The following AAK1 variants were observed in gnomAD, a reference collection of about 807,000 sequenced individuals.
AAK1 encodes AP2 associated kinase 1, also known as AP2-associated protein kinase 1.
Under a neutral mutation model 116.0 loss-of-function variants are expected in AAK1, and 37 were observed. The observed-to-expected ratio is 0.32, with a 90% CI of 0.25 to 0.42. The LOEUF (loss-of-function observed/expected upper bound fraction) is 0.42. AAK1 is among the 10% of genes least tolerant of loss of function. The pLI, the probability that AAK1 is intolerant of heterozygous loss-of-function variation, is 1.00. For synonymous variants in AAK1, 458 were observed against 439.9 expected, an observed-to-expected ratio of 1.04 and a Z score of -0.51; for missense variants, 919 against 1,170.6, an observed-to-expected ratio of 0.79 and a Z score of 3.14.
intron 2 of AAK1, among the ~76,000 whole-genome samples, chr2:69,622,031 T>C (rs1674657787): frequency 6.6e-6 from 1 of 152,234 alleles, no homozygotes; most frequent in Middle Eastern, 3.2e-3. Context: ...AGCCCCTTTC[T>C]GGGCTGGCCA....
rs539449003 is a variant in AAK1 at position 69,643,699 on chromosome 2, G to A, written c.-359C>T. ...AGAGCCGGGGCCGCGCTCGGCTCCC[G>A]CCCGCCCGCCAGCTGATCCCGGGAG... On this transcript the variant is annotated 5_prime_UTR_variant, in exon 1 of 22. Transcript: ENST00000409085. The A allele has an allele frequency of 2.5e-6, 3 of 1,217,428 alleles. No individual in the cohort carries two copies. Among genetic ancestry groups the A allele is most frequent in the East Asian group, 3.3e-5 (1 of 30,352 alleles). The allele number at this position is 1,217,428 out of a possible 1,614,324, so 75.4% of individuals were successfully genotyped here. A position where few individuals can be genotyped will look rare whatever the true frequency, so the allele number is the denominator to read the frequency against.
In AAK1 at chr2:69,507,470, T is replaced by G; in HGVS notation, c.2115A>C (p.Lys705Asn). The G allele has an allele frequency of 6.2e-7, 1 of 1,613,054 alleles. No homozygotes were observed. The highest frequency in any genetic ancestry group is 8.5e-7 in the Non-Finnish European group (1 of 1,179,534). Residue 705 changes from lysine to asparagine, a missense_variant, in exon 15 of 22, where the codon AAA (lysine) becomes AAC (asparagine). Lys to Asn is a moderately conservative substitution (Grantham distance 94). This residue lies in a region of AAK1 where 125 missense variants were observed against 184.1 expected (regional missense o/e 0.68). Coordinates refer to ENST00000409085, the MANE Select transcript of AAK1 (RefSeq NM_014911.5). ...WNPFDDDNFS[K>N]LTAEELLNKD... is the part of the protein sequence containing the mutation. ...TGTTTAGCAGTTCTTCAGCTGTGAG[T>G]TTGGAGAAATTATCGTCATCAAAGG...
chr2:69,572,856 G>A (rs1672146978), intron 2 of AAK1, among the ~76,000 whole-genome samples: 3 of 152,014 alleles, frequency 2.0e-5, no homozygotes, highest in Non-Finnish European at 2.9e-5. Context: ...CAGAAACCTA[G>A]TGACTCCAAG....
rs1327406902 is a variant in AAK1 at position 69,475,601 on chromosome 2, T to C, written c.*268A>G. ...CAGAGGTGAAGCTCATGGCATCTAG[T>C]GCTTGATTTAAGATAATGCTATTGA... On this transcript the variant is annotated 3_prime_UTR_variant, in exon 22 of 22. Transcript: ENST00000409085. 1 of 1,198,632 alleles carries C rather than the reference T, an allele frequency of 8.3e-7. No homozygotes were observed. Among genetic ancestry groups the C allele is most frequent in the African/African-American group, 1.6e-5 (1 of 64,434 alleles). The allele number at this position is 1,198,632 out of a possible 1,614,324, so 74.2% of individuals were successfully genotyped here.
At chr2:69,489,927 A>G (rs907332907) in intron 17 of AAK1, among the ~76,000 whole-genome samples, 3 of 152,194 alleles carry the variant, frequency 2.0e-5, no homozygotes, top group African/African-American at 7.2e-5. Flanking sequence ...ACTTCTCAGT[A>G]TCACGAGACA....
intron 17 of AAK1, among the ~76,000 whole-genome samples, chr2:69,487,308 A>G (rs752861394): frequency 6.6e-6 from 1 of 152,206 alleles, no homozygotes; most frequent in Non-Finnish European, 1.5e-5. Flanking sequence ...GCTGGCCCTG[A>G]TATCCTTTGT....
At chr2:69,498,374 T>C (rs889404787) in intron 16 of AAK1, among the ~76,000 whole-genome samples, 4 of 152,228 alleles carry the variant, frequency 2.6e-5, no homozygotes, top group Admixed American at 1.3e-4. Context: ...AATCTTGGTC[T>C]CTCTCCAGTT....
chr2:69,464,120 C>T lies in AAK1; in HGVS notation c.*11749G>A, dbSNP rs1574180900. The T allele has an allele frequency of 6.6e-6, 1 of 152,574 alleles. No individual in the cohort carries two copies. Among genetic ancestry groups the T allele is most frequent in the East Asian group, 1.9e-4 (1 of 5,204 alleles). The allele number at this position is 152,574 out of a possible 1,614,324, so 9.5% of individuals were successfully genotyped here. ...AAGTTTTCATGCCTACCTGATTCAG[C>T]TCTTTTCCATTCTCCCAAACACTTA... On this transcript the variant is annotated 3_prime_UTR_variant, in exon 22 of 22. Transcript: ENST00000409085.
chr2:69,607,365 G>A (rs1467509733), intron 2 of AAK1, among the ~76,000 whole-genome samples: 2 of 152,134 alleles, frequency 1.3e-5, no homozygotes, highest in Non-Finnish European at 2.9e-5. Context: ...GTAAGGCAGA[G>A]GTAAGAGGAG....
rs1427805444 is a variant in AAK1 at position 69,514,502 on chromosome 2, G to A, written c.1745C>T (p.Ala582Val). ...CTCCTGGGCAGGGGCTGGCTGTGGG[G>A]CTGCAGCTGGCTGTGGCTGGGGCTG... ...GQQPQPQPAA[A>V]PQPAPAQEPA... is the part of the protein sequence containing the mutation. Residue 582 changes from alanine to valine, a missense_variant, in exon 13 of 22, where the codon GCC (alanine) becomes GTC (valine). Ala to Val is a moderately conservative substitution (Grantham distance 64). Around this residue, in one of 4 missense-constraint regions of AAK1, gnomAD observed 125 missense variants for 184.1 expected, o/e 0.68. Coordinates refer to ENST00000409085, the MANE Select transcript of AAK1 (RefSeq NM_014911.5). The A allele has an allele frequency of 6.5e-7, 1 of 1,549,832 alleles. No individual in the cohort carries two copies. Among genetic ancestry groups the A allele is most frequent in the Non-Finnish European group, 8.7e-7 (1 of 1,146,112 alleles).
At chr2:69,572,400 C>G (rs1206954787) in intron 2 of AAK1, among the ~76,000 whole-genome samples, 2 of 151,940 alleles carry the variant, frequency 1.3e-5, no homozygotes, top group Admixed American at 1.3e-4. Context: ...GGCAGATCAC[C>G]TGAGGTGAGG....
In AAK1 at chr2:69,466,306, G is replaced by C. The variant is rs899537343; in HGVS notation, c.*9563C>G. 5 of 1,289,698 alleles carry C rather than the reference G, an allele frequency of 3.9e-6. No homozygotes were observed. Among genetic ancestry groups the C allele is most frequent in the Non-Finnish European group, 5.1e-6 (5 of 988,888 alleles). The allele number at this position is 1,289,698 out of a possible 1,614,324, so 79.9% of individuals were successfully genotyped here. A position where few individuals can be genotyped will look rare whatever the true frequency, so the allele number is the denominator to read the frequency against. On this transcript the variant is annotated 3_prime_UTR_variant, in exon 22 of 22. Coordinates refer to ENST00000409085, the MANE Select transcript of AAK1 (RefSeq NM_014911.5). Reference sequence around the variant, plus strand: ...TCTTCTTCTTCAGACTCCATAAGGAGAGGCCGAGACCCACTGCAGTCCAGC... The same window carrying C: ...TCTTCTTCTTCAGACTCCATAAGGACAGGCCGAGACCCACTGCAGTCCAGC...
chr2:69,517,476 T>A (rs1034977944), intron 12 of AAK1, among the ~76,000 whole-genome samples: 1 of 141,628 alleles, frequency 7.1e-6, no homozygotes, highest in Non-Finnish European at 1.6e-5. Context: ...TTCCTTTTTT[T>A]AAAAATATTT....
chr2:69,493,658 G>A (rs1007086573), intron 17 of AAK1, among the ~76,000 whole-genome samples: 2 of 152,224 alleles, frequency 1.3e-5, no homozygotes, highest in African/African-American at 2.4e-5. Context: ...CCCTCCCTCA[G>A]AGAGTGATAG....
chr2:69,458,465 C>T lies in AAK1; in HGVS notation c.*17404G>A, dbSNP rs548660535. 1.2e-3 allele frequency: 178 copies of T among 152,654 alleles called. No homozygotes were observed. The highest frequency in any genetic ancestry group is 1.8e-3 in the Non-Finnish European group (125 of 68,044). 9.5% of individuals were successfully genotyped at this position (152,654 alleles called of 1,614,324 possible). On this transcript the variant is annotated 3_prime_UTR_variant, in exon 22 of 22. Coordinates refer to ENST00000409085, the MANE Select transcript of AAK1 (RefSeq NM_014911.5). ...GCCACACATGAGCCCTCAGGGTGAG[C>T]CCTACAGAGTTTCATCCTTGTGGAT...
At chr2:69,507,873 AT>A (rs1312650730) in intron 14 of AAK1, among the ~76,000 whole-genome samples, 8 of 152,000 alleles carry the variant, frequency 5.3e-5, no homozygotes, top group Non-Finnish European at 1.0e-4. Context: ...CGCCTGGCTA[AT>A]TTTTGTATTT....
chr2:69,584,505 T>A (rs1218318226), intron 2 of AAK1, among the ~76,000 whole-genome samples: 2 of 152,186 alleles, frequency 1.3e-5, no homozygotes, highest in African/African-American at 4.8e-5. Flanking sequence ...TAGGGGTAAC[T>A]TTTTCTCTTG....
rs938288632 is a variant in AAK1, at chr2:69,465,871, G to C, written c.*9998C>G. On this transcript the variant is annotated 3_prime_UTR_variant, in exon 22 of 22. Transcript: ENST00000409085. Reference sequence around the variant, plus strand: ...ACAGAGGTGTACACAGCTCTCTCACGGCCCGCGGGCAGGGGGACATCACCT... The same window carrying C: ...ACAGAGGTGTACACAGCTCTCTCACCGCCCGCGGGCAGGGGGACATCACCT... 1.5e-6 allele frequency: 2 copies of C among 1,290,680 alleles called. No individual in the cohort carries two copies. The highest frequency in any genetic ancestry group is 3.0e-5 in the African/African-American group (2 of 65,798). 80.0% of individuals were successfully genotyped at this position (1,290,680 alleles called of 1,614,324 possible).
At chr2:69,629,869 G>T (rs531694722) in intron 2 of AAK1, among the ~76,000 whole-genome samples, 2 of 152,108 alleles carry the variant, frequency 1.3e-5, no homozygotes, top group African/African-American at 2.4e-5. Flanking sequence ...AAACTTTGAG[G>T]TTATGGGCCC....
Sources: allele counts gnomAD v4.1 joint callset (sites outside exome capture counted in the v4.1 genomes callset), GRCh38; gene constraint gnomAD v4.1.1; regional missense constraint gnomAD v4.1.1; transcripts MANE v1.5; gene names NCBI Gene and HGNC (gene_info 2026-07-23, HGNC 2026-07-21).